Variants in WDR45B observed in about 807,000 individuals in gnomAD.
WDR45B encodes the protein WD repeat domain 45B.
In WDR45B, 20 loss-of-function variants were observed where a neutral mutation model predicts 44.6. The observed-to-expected ratio is 0.45, with a 90% CI of 0.32 to 0.65. The LOEUF (loss-of-function observed/expected upper bound fraction) is 0.65, where lower values mean the gene tolerates loss of function less well. Among genes scored for constraint, WDR45B ranks in the 30% least tolerant of loss-of-function variants. The pLI, the probability that WDR45B is intolerant of heterozygous loss-of-function variation, is 0.05. For missense variants in WDR45B, 323 were observed against 430.2 expected, an observed-to-expected ratio of 0.75 and a Z score of 2.20; for synonymous variants, 169 against 164.9, an observed-to-expected ratio of 1.02 and a Z score of -0.19.
intron 2 of WDR45B, chr17:82,636,626 C>T (rs996340324): frequency 5.9e-5 from 9 of 152,012 alleles, no homozygotes; most frequent in Middle Eastern, 3.2e-3. Flanking sequence ...AAAGGATATT[C>T]GTTGTTACAG....
rs137867590 is a variant in WDR45B at position 82,640,202 on chromosome 17, GCA to G, written c.142+3745_142+3746del. 3.9e-3 allele frequency among the ~76,000 whole-genome samples: 591 copies of G among 152,208 alleles called. 4 individuals are homozygous for G. Among genetic ancestry groups the G allele is most frequent in the African/African-American group, 0.014 (566 of 41,526 alleles). On this transcript the variant is annotated intron_variant, in intron 2 of 9. Coordinates refer to ENST00000392325, the MANE Select transcript of WDR45B (RefSeq NM_019613.4). ...AGAGCCCACAGTCTCCTTACTCAAT[GCA>G]CAGTCACCCTGGAGAGAACCATGCC...
chr17:82,641,416 C>T (rs1024128989), intron 2 of WDR45B, among the ~76,000 whole-genome samples: 2 of 152,150 alleles, frequency 1.3e-5, no homozygotes, highest in Admixed American at 6.5e-5. Flanking sequence ...GACCTTGTTA[C>T]AATCTTTTGT....
chr17:82,617,243 T>G, intron 8 of WDR45B, 53 bp downstream of exon 8: 1 of 1,547,302 alleles, frequency 6.5e-7, no homozygotes, highest in South Asian at 1.1e-5. Flanking sequence ...ACTGAAACAC[T>G]GGGGACTCCT....
chr17:82,619,534 G>C (rs929129630), intron 6 of WDR45B, among the ~76,000 whole-genome samples: 4 of 150,838 alleles, frequency 2.7e-5, no homozygotes, highest in Non-Finnish European at 4.4e-5. Flanking sequence ...AAAGCAGCAC[G>C]GGAATCCGGC....
chr17:82,615,610 C>A lies in WDR45B; in HGVS notation c.*309G>T, dbSNP rs1598254820. ...GCCCAGTCCCCAGGTCCGTATGGAG[C>A]CCCCGTCAGTGTGAGGATGCGGCGG... On this transcript the variant is annotated 3_prime_UTR_variant, in exon 10 of 10. Coordinates refer to ENST00000392325, the MANE Select transcript of WDR45B (RefSeq NM_019613.4). 3 of 440,196 alleles carry A rather than the reference C, an allele frequency of 6.8e-6. No individual in the cohort carries two copies. Among genetic ancestry groups the A allele is most frequent in the East Asian group, 9.3e-5 (2 of 21,464 alleles). 27.3% of individuals were successfully genotyped at this position (440,196 alleles called of 1,614,324 possible). A position where few individuals can be genotyped will look rare whatever the true frequency, so the allele number is the denominator to read the frequency against.
intron 2 of WDR45B, 46 bp from the exon 3 acceptor site, chr17:82,631,068 A>G (rs769541774): frequency 2.6e-6 from 4 of 1,547,130 alleles, no homozygotes; most frequent in South Asian, 2.3e-5. Context: ...GTTAATATGT[A>G]TATTTTACAA....
At position 82,627,266 on chromosome 17, in the gene WDR45B, C is replaced by T; in HGVS notation, c.270G>A (p.Lys90=). ...AAAATTCTATTTCAATAACAGTCTT[C>T]TTCTTCAGGTCATCCCAGATCATTA... The part of the protein sequence containing the change: ...NKVMIWDDLK[K]KTVIEIEFST... Residue 90 remains lysine (K), a synonymous_variant, in exon 4 of 10, where the codon AAG becomes AAA. Coordinates refer to ENST00000392325, the MANE Select transcript of WDR45B (RefSeq NM_019613.4). 1 of 1,613,364 alleles carries T rather than the reference C, an allele frequency of 6.2e-7. No homozygotes were observed. The highest frequency in any genetic ancestry group is 8.5e-7 in the Non-Finnish European group (1 of 1,179,820).
chr17:82,631,079 TA>T, intron 2 of WDR45B, 57 bp from the exon 3 acceptor site: 1 of 1,538,114 alleles, frequency 6.5e-7, no homozygotes, highest in Non-Finnish European at 9.0e-7. Flanking sequence ...TATTTTACAA[TA>T]AAAAAGAAAA....
chr17:82,617,386 T>A lies in WDR45B; in HGVS notation c.716A>T (p.Asn239Ile). Reference protein sequence around the residue: ...QAANIYCINFNQDASLICVSS... With the variant: ...QAANIYCINFIQDASLICVSS... ...TACGCAGATGAGGGACGCATCCTGA[T>A]TGAAGTTGATGCTGCAGAGAAAACC... is the stretch of plus-strand genomic sequence containing the variant. Residue 239 changes from asparagine (N) to isoleucine (I), a missense_variant, in exon 8 of 10, where the codon AAT becomes ATT. Asn to Ile is a moderately radical substitution (Grantham distance 149). Transcript: ENST00000392325. The A allele has an allele frequency of 3.7e-6, 6 of 1,614,136 alleles. No homozygotes were observed. The highest frequency in any genetic ancestry group is 5.1e-6 in the Non-Finnish European group (6 of 1,179,990).
At chr17:82,643,261 C>T (rs1013048598) in intron 2 of WDR45B, among the ~76,000 whole-genome samples, 1 of 152,048 alleles carries the variant, frequency 6.6e-6, no homozygotes, top group South Asian at 2.1e-4. Flanking sequence ...GGTGAAACCC[C>T]GTCTCTACTA....
At chr17:82,618,209 C>A (rs889221425) in intron 7 of WDR45B, among the ~76,000 whole-genome samples, 1 of 152,222 alleles carries the variant, frequency 6.6e-6, no homozygotes, top group African/African-American at 2.4e-5. Context: ...GGATTACAGG[C>A]GGGAGCCACT....
intron 2 of WDR45B, among the ~76,000 whole-genome samples, chr17:82,639,702 C>T (rs963949423): frequency 3.0e-5 from 4 of 132,282 alleles, no homozygotes; most frequent in East Asian, 4.6e-4. Flanking sequence ...TGTGTCAGGT[C>T]GAGAGGGCTG....
chr17:82,623,287 T>C (rs978069742), intron 5 of WDR45B, among the ~76,000 whole-genome samples: 1 of 149,166 alleles, frequency 6.7e-6, no homozygotes, highest in Admixed American at 6.8e-5. Flanking sequence ...CTTGGGGGAC[T>C]GAGGCAGGAG....
chr17:82,627,661 C>T (rs1172667224), intron 3 of WDR45B, among the ~76,000 whole-genome samples: 2 of 152,156 alleles, frequency 1.3e-5, no homozygotes, highest in African/African-American at 4.8e-5. Flanking sequence ...CTCTGCCAAC[C>T]ATTGCTCCCT....
At chr17:82,635,386 TA>T (rs2045819570) in intron 2 of WDR45B, among the ~76,000 whole-genome samples, 1 of 151,546 alleles carries the variant, frequency 6.6e-6, no homozygotes, top group South Asian at 2.1e-4. Flanking sequence ...GGCTTATTAA[TA>T]AAGTTATTAA....
At chr17:82,620,537 C>T (rs180961003) in intron 6 of WDR45B, among the ~76,000 whole-genome samples, 5 of 152,346 alleles carry the variant, frequency 3.3e-5, no homozygotes, top group Non-Finnish European at 5.9e-5. Context: ...CGTGTCCCCA[C>T]GTGCTGAGGA....
intron 2 of WDR45B, among the ~76,000 whole-genome samples, chr17:82,631,626 G>A (rs9891785): frequency 0.8 from 99,183 of 124,572 alleles, 40,275 homozygotes; most frequent in South Asian, 0.89. Flanking sequence ...TCTAACTATC[G>A]TCAGAAATGA....
At chr17:82,642,489 C>G (rs2045930426) in intron 2 of WDR45B, among the ~76,000 whole-genome samples, 1 of 152,240 alleles carries the variant, frequency 6.6e-6, no homozygotes, top group African/African-American at 2.4e-5. Context: ...GGTAAATGTG[C>G]TTCCCCAAGT....
chr17:82,619,597 T>C (rs1442296584), intron 6 of WDR45B, among the ~76,000 whole-genome samples: 14 of 151,190 alleles, frequency 9.3e-5, no homozygotes, highest in Admixed American at 5.9e-4. Flanking sequence ...AACCCATCCA[T>C]GTCAGCTATG....
Sources: allele counts gnomAD v4.1 joint callset (sites outside exome capture counted in the v4.1 genomes callset), GRCh38; gene constraint gnomAD v4.1.1; transcripts MANE v1.5; gene names NCBI Gene and HGNC (gene_info 2026-07-23, HGNC 2026-07-21).